Variants in UMODL1 observed in about 807,000 individuals in gnomAD.
UMODL1 encodes the protein uromodulin-like 1.
In UMODL1, 128 loss-of-function variants were observed where a neutral mutation model predicts 136.3. The observed-to-expected ratio is 0.94, with a 90% CI of 0.81 to 1.09. UMODL1 has a LOEUF of 1.09. UMODL1 is among the 50% of genes least tolerant of loss of function. UMODL1 has a pLI of 0.00. For missense variants in UMODL1, 1,766 were observed against 1,725.6 expected (o/e 1.02, Z -0.41); for synonymous variants, 721 against 720.0 (o/e 1.00, Z -0.02).
At chr21:42,067,990 G>C (rs548829004), upstream of UMODL1, among the ~76,000 whole-genome samples, 1 of 152,222 alleles carries the variant, frequency 6.6e-6, no homozygotes, top group African/African-American at 2.4e-5. Context: ...GTGAGTGAGG[G>C]AGAGAGAGAT....
upstream of UMODL1, among the ~76,000 whole-genome samples, chr21:42,067,126 A>T (rs931776943): frequency 5.9e-5 from 9 of 152,140 alleles, no homozygotes; most frequent in Middle Eastern, 3.4e-3. Context: ...GGCATGTGCC[A>T]CCACACCTGG....
At chr21:42,101,525 A>G (rs952014582) in intron 7 of UMODL1, among the ~76,000 whole-genome samples, 1 of 152,222 alleles carries the variant, frequency 6.6e-6, no homozygotes, top group Non-Finnish European at 1.5e-5. Flanking sequence ...AGAAACATGC[A>G]GAATTGCCGC....
chr21:42,064,429 CG>C (rs1458022780), intron 1 of UMODL1, among the ~76,000 whole-genome samples: 1 of 152,228 alleles, frequency 6.6e-6, no homozygotes, highest in Non-Finnish European at 1.5e-5. Context: ...TACGTTGGCA[CG>C]GGAACTACAC....
In UMODL1 at chr21:42,088,370, T is replaced by C. The variant is rs773541126; in HGVS notation, c.680T>C (p.Val227Ala). The stretch of plus-strand genomic sequence containing the variant: ...GCCCCTGGGAACGCCTCCACCACAG[T>C]GTCGCGGCTGCTACTGGGCCTGCCA... ...HSAPGNASTT[V>A]SRLLLGLPRP... The change falls in exon 5 of 23, where the codon GTG (valine) becomes GCG (alanine). Residue 227 changes from valine (V) to alanine (A), a missense_variant. Transcript: ENST00000408910. The C allele has an allele frequency of 6.9e-5, 111 of 1,613,944 alleles. 4 individuals are homozygous for C. The South Asian group carries it at 1.2e-3, about 17-fold the overall frequency.
chr21:42,081,586 C>T (rs887393050), intron 2 of UMODL1, among the ~76,000 whole-genome samples: 3 of 152,164 alleles, frequency 2.0e-5, no homozygotes, highest in Non-Finnish European at 2.9e-5. Context: ...GATTAGGCAA[C>T]TATTTTTAGA....
chr21:42,141,316 G>A (rs912514420), intron 22 of UMODL1, among the ~76,000 whole-genome samples: 22 of 152,332 alleles, frequency 1.4e-4, no homozygotes, highest in Admixed American at 4.6e-4. Context: ...TGTTAGCTTT[G>A]TCTTTCCCGT....
At chr21:42,106,750 G>A (rs952226383) in intron 9 of UMODL1, among the ~76,000 whole-genome samples, 3 of 152,254 alleles carry the variant, frequency 2.0e-5, no homozygotes, top group East Asian at 1.9e-4. Flanking sequence ...AGAGGTTAGA[G>A]TGAGGCGGAA....
intron 15 of UMODL1, among the ~76,000 whole-genome samples, chr21:42,119,959 T>G (rs2066948911): frequency 6.6e-6 from 1 of 152,226 alleles, no homozygotes; most frequent in South Asian, 2.1e-4. Flanking sequence ...AAAAAATTTT[T>G]CAATAATTTG....
chr21:42,112,467 G>A (rs2066846906), intron 12 of UMODL1, among the ~76,000 whole-genome samples: 1 of 150,474 alleles, frequency 6.6e-6, no homozygotes, highest in South Asian at 2.1e-4. Flanking sequence ...CAGCTGCTCT[G>A]TATCTCCCCA....
chr21:42,101,792 G>A (rs12483409), intron 7 of UMODL1: 103,280 of 454,508 alleles, frequency 0.23, 12,169 homozygotes, highest in South Asian at 0.28. Flanking sequence ...CCCTGATGTT[G>A]GGGGCCTGAG....
intron 17 of UMODL1, 110 bp from the exon 18 acceptor site, chr21:42,126,235 G>A (rs535572996): frequency 1.4e-6 from 2 of 1,480,564 alleles, no homozygotes; most frequent in Non-Finnish European, 1.8e-6. Context: ...GCTGGGGAGA[G>A]GCTTTAGAGA....
chr21:42,101,050 C>T (rs1198022066), intron 7 of UMODL1, among the ~76,000 whole-genome samples: 1 of 150,788 alleles, frequency 6.6e-6, no homozygotes, highest in African/African-American at 2.5e-5. Context: ...CAACCTATTC[C>T]ACTTCCCAGC....
chr21:42,083,794 G>A lies in UMODL1; in HGVS notation c.320-290G>A, dbSNP rs185509269. On this transcript the variant is annotated intron_variant, in intron 2 of 22. Coordinates refer to ENST00000408910, the MANE Select transcript of UMODL1 (RefSeq NM_001004416.3). ...TTGAAGCAGCAAGGGGCCCTTTCAG[G>A]GGGTGGTGGAGCCCCCTGGACCTGG... 1.2e-3 allele frequency among the ~76,000 whole-genome samples: 182 copies of A among 152,374 alleles called. 1 individual carries two copies. The highest frequency in any genetic ancestry group is 3.4e-3 in the Middle Eastern group (1 of 294).
At chr21:42,100,352 G>A (rs1160935425) in intron 7 of UMODL1, among the ~76,000 whole-genome samples, 3 of 152,100 alleles carry the variant, frequency 2.0e-5, no homozygotes. Context: ...GAGTGGTGGT[G>A]GAGAATGAAT....
intron 6 of UMODL1, among the ~76,000 whole-genome samples, chr21:42,095,089 G>GTTTTTTTTTTTTTTTTTTTTTTTTTTT (rs58764222): frequency 3.3e-5 from 2 of 61,206 alleles, no homozygotes; most frequent in African/African-American, 6.3e-5. Context: ...TTCTTCTGCT[G>GTTTTTTTTTTTTTTTTTTTTTTTTTTT]TTTTTTTTTT....
At chr21:42,133,360 C>G (rs1431324838) in intron 21 of UMODL1, among the ~76,000 whole-genome samples, 1 of 152,230 alleles carries the variant, frequency 6.6e-6, no homozygotes, top group African/African-American at 2.4e-5. Context: ...TGTGCCTAAG[C>G]TCACACAGCT....
chr21:42,071,494 C>G, intron 1 of UMODL1, 102 bp downstream of exon 1: 1 of 1,228,626 alleles, frequency 8.1e-7, no homozygotes, highest in Non-Finnish European at 1.1e-6. Flanking sequence ...CAGGCAAGGA[C>G]GCCTCTGCTT....
chr21:42,124,756 C>T (rs570137734), intron 17 of UMODL1, among the ~76,000 whole-genome samples: 17 of 152,212 alleles, frequency 1.1e-4, no homozygotes, highest in African/African-American at 3.9e-4. Flanking sequence ...GCTTCTGTCC[C>T]TCAGGACCTT....
chr21:42,100,714 C>A (rs1192231026), intron 7 of UMODL1, among the ~76,000 whole-genome samples: 1 of 146,116 alleles, frequency 6.8e-6, no homozygotes, highest in Non-Finnish European at 1.5e-5. Flanking sequence ...TCCCTCCCCA[C>A]CCCAGCAACC....
Sources: allele counts gnomAD v4.1 joint callset (sites outside exome capture counted in the v4.1 genomes callset), GRCh38; gene constraint gnomAD v4.1.1; transcripts MANE v1.5; gene names NCBI Gene and HGNC (gene_info 2026-07-23, HGNC 2026-07-21).